RBFOX1: variants seen among roughly 807,000 people sequenced by gnomAD.
RBFOX1 encodes the protein RNA binding protein fox-1 homolog 1.
Under a neutral mutation model 57.7 loss-of-function variants are expected in RBFOX1, and 8 were observed. That is an observed-to-expected ratio of 0.14 (90% CI 0.08 to 0.25). The LOEUF is 0.25. RBFOX1 is among the 10% of genes least tolerant of loss of function. The pLI, the probability that RBFOX1 is intolerant of heterozygous loss-of-function variation, is 1.00. For missense variants in RBFOX1, 611 were observed against 548.5 expected, an observed-to-expected ratio of 1.11 and a Z score of -1.14; for synonymous variants, 326 against 222.4, an observed-to-expected ratio of 1.47 and a Z score of -4.15.
intron 5 of RBFOX1, among the ~76,000 whole-genome samples, chr16:7,563,003 G>GC (rs2152693363): frequency 6.6e-6 from 1 of 152,264 alleles, no homozygotes; most frequent in Admixed American, 6.5e-5. Flanking sequence ...GGATTGCAAT[G>GC]CCAGGGCTCT....
intron 1 of RBFOX1, among the ~76,000 whole-genome samples, chr16:5,408,049 C>T (rs1210758072): frequency 6.6e-6 from 1 of 151,912 alleles, no homozygotes; most frequent in Non-Finnish European, 1.5e-5. Flanking sequence ...GCCCTGCAGG[C>T]TGATGTGTTT....
intron 3 of RBFOX1, among the ~76,000 whole-genome samples, chr16:6,908,016 G>A (rs567922783): frequency 6.6e-6 from 1 of 151,658 alleles, no homozygotes; most frequent in East Asian, 1.9e-4. Flanking sequence ...TGAGGACATG[G>A]TCATATTGGA....
intron 4 of RBFOX1, among the ~76,000 whole-genome samples, chr16:7,347,692 C>G (rs989791235): frequency 2.0e-5 from 3 of 152,184 alleles, no homozygotes; most frequent in African/African-American, 7.2e-5. Flanking sequence ...AGTCTTCATT[C>G]AACTTTTGCT....
chr16:7,558,891 T>C (rs1032189170), intron 5 of RBFOX1, among the ~76,000 whole-genome samples: 1 of 152,254 alleles, frequency 6.6e-6, no homozygotes, highest in Non-Finnish European at 1.5e-5. Flanking sequence ...ATGGGATTCA[T>C]ATTCCTAGCA....
intron 4 of RBFOX1, among the ~76,000 whole-genome samples, chr16:7,139,396 C>G (rs1229127045): frequency 1.3e-5 from 2 of 152,146 alleles, no homozygotes; most frequent in Non-Finnish European, 2.9e-5. Context: ...TCCACTAACT[C>G]TATTCCTTTT....
At position 6,223,306 on chromosome 16, in the gene RBFOX1, C is replaced by G. The variant is rs566155079; in HGVS notation, c.-126-93689C>G. On this transcript the variant is annotated intron_variant, in intron 1 of 15. Transcript: ENST00000550418. ...CTTCCACAATGGTTGAACTAGTTTA[C>G]AGTCCCAACAACAGTGTAAAAGTGT... is the stretch of plus-strand genomic sequence containing the variant. 1.3e-5 allele frequency among the ~76,000 whole-genome samples: 2 copies of G among 150,784 alleles called. 1 individual carries two copies. The highest frequency in any genetic ancestry group is 4.9e-5 in the African/African-American group (2 of 41,002).
At chr16:6,878,374 C>G (rs979682688) in intron 3 of RBFOX1, among the ~76,000 whole-genome samples, 5 of 152,150 alleles carry the variant, frequency 3.3e-5, no homozygotes, top group East Asian at 1.9e-4. Context: ...TCTTATCTCT[C>G]TGATATGGTG....
intron 4 of RBFOX1, among the ~76,000 whole-genome samples, chr16:7,487,303 G>T (rs1488633173): frequency 6.6e-6 from 1 of 152,066 alleles, no homozygotes; most frequent in Non-Finnish European, 1.5e-5. Context: ...TCAAATAGCG[G>T]CCCCATCACT....
chr16:6,017,085 G>T (rs762050338), upstream of RBFOX1, among the ~76,000 whole-genome samples: 23 of 152,062 alleles, frequency 1.5e-4, no homozygotes, highest in Non-Finnish European at 8.8e-5. Context: ...TCAGATAGAT[G>T]AATATGTTTT....
At chr16:7,534,129 C>G (rs954220029) in intron 5 of RBFOX1, among the ~76,000 whole-genome samples, 1 of 147,610 alleles carries the variant, frequency 6.8e-6, no homozygotes, top group African/African-American at 2.5e-5. Flanking sequence ...TCTTGTTGCC[C>G]AGGCTGGAGT....
chr16:7,277,240 G>C (rs2095458097), intron 4 of RBFOX1, among the ~76,000 whole-genome samples: 1 of 152,002 alleles, frequency 6.6e-6, no homozygotes, highest in South Asian at 2.1e-4. Context: ...GTTTCTGTTG[G>C]TTATTATCAA....
rs1417127977 is a variant in RBFOX1, at chr16:7,541,980, G to A, written c.270+23591G>A. ...TGCAGTGCTTCAGCTTGACATTAGA[G>A]AGATGGCCTTGGCCGGCAGCTGAGG... is the stretch of plus-strand genomic sequence containing the variant. On this transcript the variant is annotated intron_variant, in intron 5 of 15. Coordinates refer to ENST00000550418, the MANE Select transcript of RBFOX1 (RefSeq NM_018723.4). 2.0e-5 allele frequency among the ~76,000 whole-genome samples: 3 copies of A among 152,218 alleles called. No homozygotes were observed. The East Asian group carries it at 5.8e-4, about 29-fold the overall frequency.
At chr16:6,870,126 G>A (rs2060614130) in intron 3 of RBFOX1, among the ~76,000 whole-genome samples, 2 of 151,936 alleles carry the variant, frequency 1.3e-5, no homozygotes, top group African/African-American at 2.4e-5. Flanking sequence ...TTTGCATAAG[G>A]CTCTTGGACC....
chr16:5,629,456 G>C (rs958826910), intron 3 of RBFOX1, among the ~76,000 whole-genome samples: 1 of 152,222 alleles, frequency 6.6e-6, no homozygotes, highest in Admixed American at 6.5e-5. Flanking sequence ...AGGGGACCCT[G>C]TGGTCCTCAT....
intron 3 of RBFOX1, among the ~76,000 whole-genome samples, chr16:6,785,252 G>C (rs1353324831): frequency 6.6e-6 from 1 of 152,078 alleles, no homozygotes; most frequent in African/African-American, 2.4e-5. Context: ...ACTAACATAA[G>C]AGTTTATGCA....
intron 4 of RBFOX1, among the ~76,000 whole-genome samples, chr16:7,188,865 C>G (rs867566150): frequency 1.3e-5 from 2 of 151,996 alleles, no homozygotes; most frequent in Admixed American, 6.6e-5. Flanking sequence ...GAAAGGACAT[C>G]AAGAAAAAGG....
intron 4 of RBFOX1, among the ~76,000 whole-genome samples, chr16:7,307,640 T>G (rs541974048): frequency 3.9e-5 from 6 of 152,360 alleles, no homozygotes; most frequent in East Asian, 1.9e-4. Context: ...TACTACAGTT[T>G]AGAGCTGCAA....
intron 4 of RBFOX1, among the ~76,000 whole-genome samples, chr16:7,244,282 C>G (rs2094199120): frequency 7.1e-6 from 1 of 141,568 alleles, no homozygotes; most frequent in Non-Finnish European, 1.5e-5. Context: ...CACCCTTGGG[C>G]TTTTCATTAA....
In RBFOX1 at chr16:7,209,119, ACT is replaced by A. The variant is rs1477149480; in HGVS notation, c.27+157024_27+157025del. Among the ~76,000 whole-genome samples the A allele has an allele frequency of 5.3e-5, 8 of 150,550 alleles. No individual in the cohort carries two copies. In the East Asian group the frequency reaches 9.8e-4, roughly 18 times the overall value. ...AGAGCAGCCTGGCCAACGTGGTGAAACTCTGTCTCTACCAAAAATACAAAATA... is the reference window on the plus strand; with the variant it reads ...AGAGCAGCCTGGCCAACGTGGTGAAACTGTCTCTACCAAAAATACAAAATA... On this transcript the variant is annotated intron_variant, in intron 4 of 15. Transcript: ENST00000550418.
Sources: allele counts gnomAD v4.1 joint callset (sites outside exome capture counted in the v4.1 genomes callset), GRCh38; gene constraint gnomAD v4.1.1; transcripts MANE v1.5; gene names NCBI Gene and HGNC (gene_info 2026-07-23, HGNC 2026-07-21).